ZNF70: variants seen among roughly 807,000 people sequenced by gnomAD.
ZNF70 encodes the protein zinc finger protein 70.
In ZNF70, 18 loss-of-function variants were observed where a neutral mutation model predicts 37.7. The observed-to-expected ratio is 0.48, with a 90% CI of 0.33 to 0.71. The LOEUF is 0.71. ZNF70 is among the 30% of genes least tolerant of loss of function. ZNF70 has a pLI of 0.02. For missense variants in ZNF70, 506 were observed against 568.6 expected, an observed-to-expected ratio of 0.89 and a Z score of 1.12; for synonymous variants, 219 against 220.1, an observed-to-expected ratio of 0.99 and a Z score of 0.05.
At position 23,751,001 on chromosome 22, in the gene ZNF70, T is replaced by C. The variant is rs1925309561; in HGVS notation, c.-370A>G. 6.6e-6 allele frequency: 1 copy of C among 151,344 alleles called. No individual in the cohort carries two copies. Among genetic ancestry groups the C allele is most frequent in the African/African-American group, 2.4e-5 (1 of 41,248 alleles). 9.4% of individuals were successfully genotyped at this position (151,344 alleles called of 1,614,324 possible). A position where few individuals can be genotyped will look rare whatever the true frequency, so the allele number is the denominator to read the frequency against. ...CTCACCTGGGCCGGGGCGGGGCAGC[T>C]CACCTGGGCCGGGGCGGGGCCGCAG... On this transcript the variant is annotated 5_prime_UTR_variant, in exon 1 of 2. Coordinates refer to ENST00000341976, the MANE Select transcript of ZNF70 (RefSeq NM_021916.4).
intron 1 of ZNF70, among the ~76,000 whole-genome samples, chr22:23,749,868 A>AT (rs1369630411): frequency 1.3e-5 from 2 of 151,816 alleles, no homozygotes; most frequent in Non-Finnish European, 2.9e-5. Context: ...AATCCAAGCC[A>AT]TTTTTACTGT....
At position 23,744,354 on chromosome 22, in the gene ZNF70, G is replaced by T. The variant is rs754506587; in HGVS notation, c.787C>A (p.Gln263Lys). ...CGATGCTGGCTCAGGCCTGAGCTCT[G>T]GTTGAAGGATTTCCCACATTCCTTA... ...QCKECGKSFN[Q>K]SSGLSQHRKI... The change falls in exon 2 of 2, where the codon CAG (glutamine) becomes AAG (lysine). Residue 263 changes from glutamine to lysine, a missense_variant. Coordinates refer to ENST00000341976, the MANE Select transcript of ZNF70 (RefSeq NM_021916.4). 1.7e-5 allele frequency: 28 copies of T among 1,614,156 alleles called. No individual in the cohort carries two copies. The highest frequency in any genetic ancestry group is 2.1e-5 in the Non-Finnish European group (25 of 1,180,022).
rs1344272312 is a variant in ZNF70 at position 23,743,804 on chromosome 22, A to C, written c.1337T>G (p.Leu446Arg). The stretch of plus-strand genomic sequence containing the variant: ...GCTTTGTGTGGGCTCCTCTTTCTAT[A>C]GCTTCTCCCCAGAATGAATCTTCTG... ...RHQKIHSGEK[L>R] The change falls in exon 2 of 2, where the codon CTA (leucine) becomes CGA (arginine). Residue 446 changes from leucine to arginine, a missense_variant. Transcript: ENST00000341976. 1 of 1,611,972 alleles carries C rather than the reference A, an allele frequency of 6.2e-7. No individual in the cohort carries two copies. The highest frequency in any genetic ancestry group is 1.1e-5 in the South Asian group (1 of 90,956).
chr22:23,747,867 A>G (rs957427585), intron 1 of ZNF70, among the ~76,000 whole-genome samples: 18 of 152,186 alleles, frequency 1.2e-4, no homozygotes, highest in African/African-American at 3.9e-4. Flanking sequence ...AATAAAACAG[A>G]CAAAAGCAGA....
At chr22:23,746,191 T>C (rs559880691) in intron 1 of ZNF70, among the ~76,000 whole-genome samples, 2 of 150,208 alleles carry the variant, frequency 1.3e-5, no homozygotes, top group South Asian at 4.2e-4. Context: ...AGCCTGATTA[T>C]GGTGGTTCCC....
In ZNF70 at chr22:23,743,597, T is replaced by C. The variant is rs1201900627; in HGVS notation, c.*203A>G. The C allele has an allele frequency of 3.1e-6, 2 of 648,774 alleles. No individual in the cohort carries two copies. Among genetic ancestry groups the C allele is most frequent in the Non-Finnish European group, 5.0e-6 (2 of 399,914 alleles). 40.2% of individuals were successfully genotyped at this position (648,774 alleles called of 1,614,324 possible). A position where few individuals can be genotyped will look rare whatever the true frequency, so the allele number is the denominator to read the frequency against. On this transcript the variant is annotated 3_prime_UTR_variant, in exon 2 of 2. Coordinates refer to ENST00000341976, the MANE Select transcript of ZNF70 (RefSeq NM_021916.4). ...GCCCTCCCTATCACCCCACCTTCCCTTCCATGCAGAAAACCTGCTGAGAGC... is the reference window on the plus strand; with the variant it reads ...GCCCTCCCTATCACCCCACCTTCCCCTCCATGCAGAAAACCTGCTGAGAGC...
chr22:23,739,948 T>C lies in ZNF70; in HGVS notation c.*3852A>G, dbSNP rs959121257. 1.3e-5 allele frequency: 2 copies of C among 151,444 alleles called. No individual in the cohort carries two copies. The highest frequency in any genetic ancestry group is 4.9e-5 in the African/African-American group (2 of 41,112). The allele number at this position is 151,444 out of a possible 1,614,324, so 9.4% of individuals were successfully genotyped here. ...CATTTGGGCAAAAGGAAATTCTTAA[T>C]ACTATAACAAAAAACACCACGTCAA... On this transcript the variant is annotated 3_prime_UTR_variant, in exon 2 of 2. Transcript: ENST00000341976.
chr22:23,743,153 C>T lies in ZNF70; in HGVS notation c.*647G>A, dbSNP rs1924937421. On this transcript the variant is annotated 3_prime_UTR_variant, in exon 2 of 2. Coordinates refer to ENST00000341976, the MANE Select transcript of ZNF70 (RefSeq NM_021916.4). ...CTGTAACAGAGCTGTCTGAGGGAAA[C>T]TGCCCTAGGGCTAAGGAGAGGGTTA... 6.6e-6 allele frequency: 1 copy of T among 152,558 alleles called. No individual in the cohort carries two copies. The highest frequency in any genetic ancestry group is 1.5e-5 in the Non-Finnish European group (1 of 68,284). 9.5% of individuals were successfully genotyped at this position (152,558 alleles called of 1,614,324 possible).
rs1233783736 is a variant in ZNF70 at position 23,743,209 on chromosome 22, A to G, written c.*591T>C. 1.3e-5 allele frequency: 2 copies of G among 154,132 alleles called. No homozygotes were observed. The highest frequency in any genetic ancestry group is 4.8e-5 in the African/African-American group (2 of 41,456). The allele number at this position is 154,132 out of a possible 1,614,324, so 9.5% of individuals were successfully genotyped here. On this transcript the variant is annotated 3_prime_UTR_variant, in exon 2 of 2. Coordinates refer to ENST00000341976, the MANE Select transcript of ZNF70 (RefSeq NM_021916.4). ...CCACGCCCAGGGGCTCACCACCCTC[A>G]TCCCCAATCTCAAGACCCACCCTCC...
At position 23,750,833 on chromosome 22, in the gene ZNF70, G is replaced by C. The variant is rs1211251107; in HGVS notation, c.-202C>G. 1 of 152,318 alleles carries C rather than the reference G, an allele frequency of 6.6e-6. No homozygotes were observed. Among genetic ancestry groups the C allele is most frequent in the Admixed American group, 6.5e-5 (1 of 15,292 alleles). The allele number at this position is 152,318 out of a possible 1,614,324, so 9.4% of individuals were successfully genotyped here. ...AGGTTTCCTGGCTGGGGGCCCAAGA[G>C]TTGCCACGGACCCGCACACGCTGCC... is the stretch of plus-strand genomic sequence containing the variant. On this transcript the variant is annotated 5_prime_UTR_variant, in exon 1 of 2. Coordinates refer to ENST00000341976, the MANE Select transcript of ZNF70 (RefSeq NM_021916.4).
chr22:23,750,804 G>T lies in ZNF70; in HGVS notation c.-173C>A, dbSNP rs1337067920. 1.3e-5 allele frequency: 2 copies of T among 152,328 alleles called. No individual in the cohort carries two copies. The highest frequency in any genetic ancestry group is 3.8e-4 in the East Asian group (2 of 5,200). The allele number at this position is 152,328 out of a possible 1,614,324, so 9.4% of individuals were successfully genotyped here. ...GGGCACCCTGCAAACTCTTAGTGCAGTCAAGGTTTCCTGGCTGGGGGCCCA... is the reference window on the plus strand; with the variant it reads ...GGGCACCCTGCAAACTCTTAGTGCATTCAAGGTTTCCTGGCTGGGGGCCCA... On this transcript the variant is annotated 5_prime_UTR_variant, in exon 1 of 2. In the 5' UTR this introduces an upstream ATG that the reference lacks. Transcript: ENST00000341976.
intron 1 of ZNF70, among the ~76,000 whole-genome samples, chr22:23,748,868 T>A (rs1226516004): frequency 6.6e-6 from 1 of 151,776 alleles, no homozygotes; most frequent in Admixed American, 6.6e-5. Flanking sequence ...TTTAAATGAT[T>A]TTTCAGCCAA....
At position 23,744,383 on chromosome 22, in the gene ZNF70, T is replaced by C. The variant is rs879241255; in HGVS notation, c.758A>G (p.Gln253Arg). Residue 253 changes from glutamine (Q) to arginine (R), a missense_variant, in exon 2 of 2, where the codon CAG becomes CGG. Physicochemically the swap from Gln to Arg is conservative, Grantham distance 43. Transcript: ENST00000341976. ...ERIHTGERPY[Q>R]CKECGKSFNQ... ...GAAGGATTTCCCACATTCCTTACAC[T>C]GATAAGGTCTCTCTCCTGTATGAAT... The C allele has an allele frequency of 6.2e-7, 1 of 1,614,216 alleles. No individual in the cohort carries two copies. Among genetic ancestry groups the C allele is most frequent in the Non-Finnish European group, 8.5e-7 (1 of 1,180,048 alleles).
chr22:23,744,826 C>T lies in ZNF70; in HGVS notation c.315G>A (p.Gln105=), dbSNP rs186289426. The change falls in exon 2 of 2, where the codon CAG becomes CAA. Residue 105 remains glutamine (Q), a synonymous_variant. Transcript: ENST00000341976. ...FLQKSDLSMC[Q]IIHSEEPSPC... is the part of the protein sequence containing the mutation. The stretch of plus-strand genomic sequence containing the variant: ...GACTGGGCTCTTCACTGTGGATTAT[C>T]TGACACATGCTGAGGTCGGATTTCT... The T allele has an allele frequency of 2.5e-5, 41 of 1,614,224 alleles. No individual in the cohort carries two copies. Among genetic ancestry groups the T allele is most frequent in the Admixed American group, 1.2e-4 (7 of 60,026 alleles).
In ZNF70 at chr22:23,744,264, A is replaced by C. The variant is rs1231811721; in HGVS notation, c.877T>G (p.Ser293Ala). Residue 293 changes from serine to alanine, a missense_variant, in exon 2 of 2, where the codon TCA (serine) becomes GCA (alanine). Transcript: ENST00000341976. ...ATCCGCTGGTGTCGGATGAGGTGTGACCTGTGACAAAAGGCTTTCCCACAG... is the reference window on the plus strand; with the variant it reads ...ATCCGCTGGTGTCGGATGAGGTGTGCCCTGTGACAAAAGGCTTTCCCACAG... ...DLCGKAFCHR[S>A]HLIRHQRIHT... 5 of 1,613,120 alleles carry C rather than the reference A, an allele frequency of 3.1e-6. No individual in the cohort carries two copies. Among genetic ancestry groups the C allele is most frequent in the Non-Finnish European group, 4.2e-6 (5 of 1,179,824 alleles).
Position 23,745,045 on chromosome 22 carries a change from C to T in ZNF70, c.96G>A (p.Gly32=). 1 of 1,614,200 alleles carries T rather than the reference C, an allele frequency of 6.2e-7. No individual in the cohort carries two copies. The highest frequency in any genetic ancestry group is 8.5e-7 in the Non-Finnish European group (1 of 1,180,030). ...AACCTCTTTCCTGAAGAAAAGGGTC[C>T]CCCAGGTCCTCCCCTGGGAAAAGCC... is the stretch of plus-strand genomic sequence containing the variant. ...QQGLFPGEDL[G]DPFLQERGLE... Residue 32 remains glycine (G), a synonymous_variant, in exon 2 of 2, where the codon GGG becomes GGA. Coordinates refer to ENST00000341976, the MANE Select transcript of ZNF70 (RefSeq NM_021916.4).
Position 23,743,679 on chromosome 22 carries a change from C to A in ZNF70, c.*121G>T. ...TTCCTGCTAGTGGGATGTTCAAGAGCGCTTAGGTGGGAAGGTTTCCATTCA... is the reference window on the plus strand; with the variant it reads ...TTCCTGCTAGTGGGATGTTCAAGAGAGCTTAGGTGGGAAGGTTTCCATTCA... On this transcript the variant is annotated 3_prime_UTR_variant, in exon 2 of 2. Transcript: ENST00000341976. 2 of 1,384,884 alleles carry A rather than the reference C, an allele frequency of 1.4e-6. No individual in the cohort carries two copies. Among genetic ancestry groups the A allele is most frequent in the Non-Finnish European group, 2.0e-6 (2 of 1,020,570 alleles). The allele number at this position is 1,384,884 out of a possible 1,614,324, so 85.8% of individuals were successfully genotyped here. A position where few individuals can be genotyped will look rare whatever the true frequency, so the allele number is the denominator to read the frequency against.
rs1008350788 is a variant in ZNF70 at position 23,743,594 on chromosome 22, C to T, written c.*206G>A. ...GCTGCCCTCCCTATCACCCCACCTT[C>T]CCTTCCATGCAGAAAACCTGCTGAG... On this transcript the variant is annotated 3_prime_UTR_variant, in exon 2 of 2. Transcript: ENST00000341976. 3.2e-6 allele frequency: 2 copies of T among 620,382 alleles called. No homozygotes were observed. Among genetic ancestry groups the T allele is most frequent in the Non-Finnish European group, 5.3e-6 (2 of 378,294 alleles). The allele number at this position is 620,382 out of a possible 1,614,324, so 38.4% of individuals were successfully genotyped here. A position where few individuals can be genotyped will look rare whatever the true frequency, so the allele number is the denominator to read the frequency against.
At chr22:23,748,910 C>T (rs1452834039) in intron 1 of ZNF70, among the ~76,000 whole-genome samples, 3 of 151,754 alleles carry the variant, frequency 2.0e-5, no homozygotes, top group Non-Finnish European at 4.4e-5. Flanking sequence ...AAAAAGAGCA[C>T]TGAACTAAAG....
Sources: gnomAD v4.1 joint callset for allele counts (sites outside exome capture counted in the v4.1 genomes callset) on GRCh38, gnomAD v4.1.1 for gene constraint, MANE v1.5 for transcripts, NCBI Gene and HGNC (gene_info 2026-07-23, HGNC 2026-07-21) for gene names.